Variants in PHYH observed in about 807,000 individuals in gnomAD.
PHYH encodes phytanoyl-CoA dioxygenase, peroxisomal.
Under a neutral mutation model 38.5 loss-of-function variants are expected in PHYH, and 32 were observed. The ratio of observed to expected loss-of-function variants is 0.83; its 90% confidence interval spans 0.63 to 1.12. The LOEUF is 1.12. Ranked by LOEUF, PHYH falls within the 50% of genes most tolerant of loss-of-function variation. The pLI is 0.00. For missense variants in PHYH, 426 were observed against 434.8 expected, an observed-to-expected ratio of 0.98 and a Z score of 0.18; for synonymous variants, 166 against 157.9, an observed-to-expected ratio of 1.05 and a Z score of -0.38.
chr10:13,289,315 C>G (rs4750343), intron 5 of PHYH, among the ~76,000 whole-genome samples: 1 of 151,798 alleles, frequency 6.6e-6, no homozygotes, highest in South Asian at 2.1e-4. Flanking sequence ...CCTGCCTCAG[C>G]CTCCCGAGTA....
intron 6 of PHYH, among the ~76,000 whole-genome samples, 166 bp from the exon 7 acceptor site, chr10:13,284,005 G>T (rs991996010): frequency 7.9e-5 from 12 of 152,122 alleles, no homozygotes; most frequent in African/African-American, 2.9e-4. Context: ...GTATACAAAA[G>T]CCTCTCAGAT....
At position 13,277,802 on chromosome 10, in the gene PHYH, G is replaced by A. The variant is rs953706106; in HGVS notation, c.*499C>T. ...AAATCACAGGAGAAAGCCCTTGTCC[G>A]AGCAGGAATATCCACTTTATTTGGA... On this transcript the variant is annotated 3_prime_UTR_variant, in exon 9 of 9. Coordinates refer to ENST00000263038, the MANE Select transcript of PHYH (RefSeq NM_006214.4). The A allele has an allele frequency of 4.4e-5, 8 of 180,964 alleles. No homozygotes were observed. The Admixed American group carries it at 4.5e-4, about 10-fold the overall frequency. 11.2% of individuals were successfully genotyped at this position (180,964 alleles called of 1,614,324 possible).
chr10:13,292,104 G>C (rs1032913338), intron 4 of PHYH, among the ~76,000 whole-genome samples, 192 bp from the exon 5 acceptor site: 4 of 152,100 alleles, frequency 2.6e-5, no homozygotes, highest in African/African-American at 9.7e-5. Flanking sequence ...TCTATAACAC[G>C]GAATGAAATG....
At chr10:13,283,954 A>G (rs1665574322) in intron 6 of PHYH, 115 bp from the exon 7 acceptor site, 4 of 917,494 alleles carry the variant, frequency 4.4e-6, no homozygotes, top group Non-Finnish European at 7.3e-6. Flanking sequence ...CTCTCTCCCA[A>G]GAGAAATAAA....
chr10:13,295,154 G>C (rs551204059), intron 3 of PHYH: 1 of 294,010 alleles, frequency 3.4e-6, no homozygotes, highest in African/African-American at 2.2e-5. Context: ...GAGACTCCCT[G>C]TCTCTAAAAA....
In PHYH at chr10:13,291,384, T is replaced by A. The variant is rs1835706944; in HGVS notation, c.496+447A>T. 1.6e-5 allele frequency: 3 copies of A among 186,548 alleles called. No homozygotes were observed. The South Asian group carries it at 3.4e-4, about 21-fold the overall frequency. 11.6% of individuals were successfully genotyped at this position (186,548 alleles called of 1,614,324 possible). On this transcript the variant is annotated intron_variant, in intron 5 of 8. Transcript: ENST00000263038. ...AAATAATTACCACATTTCACTGTTG[T>A]TATAGTGTAAGTTATTTTAAGACTT...
chr10:13,279,518 C>G (rs1027975819), intron 8 of PHYH, among the ~76,000 whole-genome samples: 4 of 152,170 alleles, frequency 2.6e-5, no homozygotes, highest in African/African-American at 9.7e-5. Context: ...TTTGACCTGA[C>G]TCTAAAATCA....
Position 13,294,419 on chromosome 10 carries a change from G to A in PHYH, c.414+9C>T, listed in dbSNP as rs747538451. On this transcript the variant is annotated intron_variant, in intron 4 of 8. Coordinates refer to ENST00000263038, the MANE Select transcript of PHYH (RefSeq NM_006214.4). ...ATTAAGCCGACGCAAAGCAAGGGTG[G>A]TCTCTGACCTCGGGGAGAGTGCAGT... 2.5e-6 allele frequency: 4 copies of A among 1,613,648 alleles called. No individual in the cohort carries two copies. Among genetic ancestry groups the A allele is most frequent in the Non-Finnish European group, 3.4e-6 (4 of 1,179,748 alleles).
At chr10:13,298,609 G>C (rs1041510749) in intron 1 of PHYH, among the ~76,000 whole-genome samples, 2 of 151,928 alleles carry the variant, frequency 1.3e-5, no homozygotes, top group Non-Finnish European at 2.9e-5. Flanking sequence ...GCTAAGACAG[G>C]AGAATTGCTT....
chr10:13,288,330 G>A, intron 6 of PHYH, 30 bp downstream of exon 6: 1 of 1,606,268 alleles, frequency 6.2e-7, no homozygotes, highest in Non-Finnish European at 8.5e-7. Flanking sequence ...AGGAGATTCG[G>A]ATCAAGACTC....
Position 13,278,338 on chromosome 10 carries a change from C to A in PHYH, c.980G>T (p.Arg327Leu), listed in dbSNP as rs367851769. The change falls in exon 9 of 9, where the codon CGA (arginine) becomes CTA (leucine). Residue 327 changes from arginine (R) to leucine (L), a missense_variant. Transcript: ENST00000263038. Reference sequence around the variant, plus strand: ...TCTTTCTCCTTTCACAAGTCGAGCTCGAAACATCCAAATATCCTGGAAATA... The same window carrying A: ...TCTTTCTCCTTTCACAAGTCGAGCTAGAAACATCCAAATATCCTGGAAATA... ...SVNLKDIWMF[R>L]ARLVKGERTN... 1.2e-6 allele frequency: 2 copies of A among 1,611,752 alleles called. No individual in the cohort carries two copies. The highest frequency in any genetic ancestry group is 3.3e-5 in the Admixed American group (2 of 59,988).
chr10:13,299,821 G>A (rs1179928182), intron 1 of PHYH, 147 bp downstream of exon 1: 3 of 1,316,956 alleles, frequency 2.3e-6, no homozygotes, highest in Non-Finnish European at 2.9e-6. Context: ...GAAGAGACGC[G>A]ACCCAGGCGG....
At chr10:13,283,131 A>ATTTTTTTTTTTTT (rs398012850) in intron 7 of PHYH, among the ~76,000 whole-genome samples, 5 of 117,926 alleles carry the variant, frequency 4.2e-5, no homozygotes, top group Admixed American at 9.2e-5. Context: ...TTCATAATCA[A>ATTTTTTTTTTTTT]TTTTTTTTTT....
At chr10:13,291,508 G>A in intron 5 of PHYH, 1 of 347,628 alleles carries the variant, frequency 2.9e-6, no homozygotes, top group Non-Finnish European at 5.4e-6. Flanking sequence ...GTAGAGATAG[G>A]GTCTCACTGT....
At chr10:13,297,456 T>C (rs1425531797) in intron 2 of PHYH, among the ~76,000 whole-genome samples, 2 of 151,964 alleles carry the variant, frequency 1.3e-5, no homozygotes, top group African/African-American at 4.8e-5. Flanking sequence ...ATTTGTTTTG[T>C]TTTGTTTTGT....
chr10:13,295,424 G>T, intron 3 of PHYH, 72 bp downstream of exon 3: 5 of 840,532 alleles, frequency 5.9e-6, no homozygotes, highest in Non-Finnish European at 1.0e-5. Flanking sequence ...AGCCAGGAGC[G>T]AATCCACCTT....
chr10:13,282,773 A>G (rs867779888), intron 7 of PHYH, among the ~76,000 whole-genome samples: 2 of 152,022 alleles, frequency 1.3e-5, no homozygotes, highest in Non-Finnish European at 2.9e-5. Context: ...TACATTGGGT[A>G]TTTTGCATTA....
rs2131661125 is a variant in PHYH, at chr10:13,298,247, T to C, written c.76-2A>G. ...AGTCCCTGAAGTGGGATGAGCTACC[T>C]AGGATGTGAATTAAGGCAAATAAAG... On this transcript the variant is annotated splice_acceptor_variant, in intron 1 of 8. Coordinates refer to ENST00000263038, the MANE Select transcript of PHYH (RefSeq NM_006214.4). LOFTEE classifies it high-confidence loss of function. 1 of 1,592,442 alleles carries C rather than the reference T, an allele frequency of 6.3e-7. No homozygotes were observed. Among genetic ancestry groups the C allele is most frequent in the Non-Finnish European group, 8.6e-7 (1 of 1,160,496 alleles).
At chr10:13,285,364 A>G (rs2131636855) in intron 6 of PHYH, among the ~76,000 whole-genome samples, 1 of 151,758 alleles carries the variant, frequency 6.6e-6, no homozygotes, top group South Asian at 2.1e-4. Flanking sequence ...TTGTATTTTT[A>G]GTAGAAATAG....
Sources: gnomAD v4.1 joint callset for allele counts (sites outside exome capture counted in the v4.1 genomes callset) on GRCh38, gnomAD v4.1.1 for gene constraint, MANE v1.5 for transcripts, NCBI Gene and HGNC (gene_info 2026-07-23, HGNC 2026-07-21) for gene names.